The following WNK1 variants were observed in gnomAD, a reference collection of about 807,000 sequenced individuals.
WNK1 encodes the protein WNK lysine deficient protein kinase 1, also known as serine/threonine-protein kinase WNK1.
Under a neutral mutation model 222.8 loss-of-function variants are expected in WNK1, and 38 were observed. That is an observed-to-expected ratio of 0.17 (90% CI 0.13 to 0.22). The LOEUF (loss-of-function observed/expected upper bound fraction) is 0.22. Ranked by LOEUF, WNK1 falls within the 10% of genes least tolerant of loss-of-function variation. The pLI, the probability that WNK1 is intolerant of heterozygous loss-of-function variation, is 1.00. For missense variants in WNK1, 2,348 were observed against 2,918.4 expected, an observed-to-expected ratio of 0.80 and a Z score of 4.50; for synonymous variants, 1,090 against 1,092.9, an observed-to-expected ratio of 1.00 and a Z score of 0.05.
chr12:882,654 C>T (rs1438393077), intron 14 of WNK1, among the ~76,000 whole-genome samples: 2 of 152,126 alleles, frequency 1.3e-5, no homozygotes, highest in Non-Finnish European at 2.9e-5. Flanking sequence ...TGTATAGGAT[C>T]TTATAATTAG....
intron 4 of WNK1, among the ~76,000 whole-genome samples, 187 bp downstream of exon 4, chr12:830,347 C>A (rs72648633): frequency 2.0e-5 from 3 of 152,110 alleles, no homozygotes; most frequent in Non-Finnish European, 4.4e-5. Flanking sequence ...AGATAAAGAT[C>A]AAAGAACCAC....
intron 24 of WNK1, among the ~76,000 whole-genome samples, chr12:897,199 AT>A (rs1954826165): frequency 6.6e-6 from 1 of 152,132 alleles, no homozygotes; most frequent in South Asian, 2.1e-4. Flanking sequence ...AGAGTAGCAA[AT>A]TCAGCTATTG....
chr12:879,455 TTTG>T lies in WNK1; in HGVS notation c.2374-115_2374-113del, dbSNP rs1952927136. 1.1e-3 allele frequency: 758 copies of T among 706,202 alleles called. 13 individuals are homozygous for T. The highest frequency in any genetic ancestry group is 2.4e-3 in the Middle Eastern group (6 of 2,546). The allele number at this position is 706,202 out of a possible 1,614,324, so 43.7% of individuals were successfully genotyped here. On this transcript the variant is annotated intron_variant, in intron 10 of 27. Coordinates refer to ENST00000315939, the MANE Select transcript of WNK1 (RefSeq NM_018979.4). Reference sequence around the variant, plus strand: ...GTTTTGTTGGTTTGGTGTTTTTTTTTTTGTTTGTTTTTTCCTTCTTTTTGGCTA... The same window carrying T: ...GTTTTGTTGGTTTGGTGTTTTTTTTTTTTGTTTTTTCCTTCTTTTTGGCTA...
chr12:906,430 C>T, intron 26 of WNK1: 5 of 985,322 alleles, frequency 5.1e-6, no homozygotes, highest in Non-Finnish European at 6.0e-6. Context: ...CCCCTTTGCA[C>T]CCTGCCTCAG....
chr12:841,755 G>A (rs1004501880), intron 4 of WNK1, among the ~76,000 whole-genome samples: 2 of 152,156 alleles, frequency 1.3e-5, no homozygotes, highest in African/African-American at 2.4e-5. Flanking sequence ...GTTCCTCATA[G>A]ACCGGACTTT....
chr12:798,366 T>C (rs2153987774), intron 1 of WNK1, among the ~76,000 whole-genome samples: 1 of 152,166 alleles, frequency 6.6e-6, no homozygotes, highest in South Asian at 2.1e-4. Flanking sequence ...TAATTTTTTA[T>C]ATTTTTTAGT....
intron 1 of WNK1, among the ~76,000 whole-genome samples, chr12:812,098 TAAG>T (rs763375715): frequency 3.3e-5 from 5 of 152,176 alleles, no homozygotes; most frequent in Non-Finnish European, 7.4e-5. Context: ...TTGCTATAAA[TAAG>T]TAGTTGGCAG....
At chr12:874,708 C>T (rs1037176382) in intron 9 of WNK1, among the ~76,000 whole-genome samples, 4 of 152,056 alleles carry the variant, frequency 2.6e-5, no homozygotes, top group African/African-American at 9.7e-5. Context: ...CTCATTTAAT[C>T]GTTTTAAGAA....
rs533703766 is a variant in WNK1, at chr12:850,984, C to A, written c.1312-6177C>A. Among the ~76,000 whole-genome samples, 3 of 151,856 alleles carry A rather than the reference C, an allele frequency of 2.0e-5. No homozygotes were observed. The South Asian group carries it at 6.2e-4, about 32-fold the overall frequency. On this transcript the variant is annotated intron_variant, in intron 4 of 27. Transcript: ENST00000315939. ...TTTGGTTACTAGCCTTGTAGTAATA[C>A]TGTTGATTTTTAAAAAATGTTCTGT...
At chr12:803,880 G>A (rs1251902709) in intron 1 of WNK1, among the ~76,000 whole-genome samples, 1 of 152,122 alleles carries the variant, frequency 6.6e-6, no homozygotes, top group African/African-American at 2.4e-5. Flanking sequence ...CTTTTTAAAA[G>A]TAATATGCTA....
In WNK1 at chr12:885,826, C is replaced by G; in HGVS notation, c.5022C>G (p.Ala1674=). The change falls in exon 19 of 28, where the codon GCC becomes GCG. Residue 1674 remains alanine, a synonymous_variant. Coordinates refer to ENST00000315939, the MANE Select transcript of WNK1 (RefSeq NM_018979.4). ...ACAGCTCATCTGGAGCTCAGCATGCCTCTGTCTCACTGGAGACCTCACTAG... is the reference window on the plus strand; with the variant it reads ...ACAGCTCATCTGGAGCTCAGCATGCGTCTGTCTCACTGGAGACCTCACTAG... ...SEHSSSGAQH[A]SVSLETSLVI... 6.2e-7 allele frequency: 1 copy of G among 1,614,224 alleles called. No individual in the cohort carries two copies. The highest frequency in any genetic ancestry group is 8.5e-7 in the Non-Finnish European group (1 of 1,180,050).
intron 8 of WNK1, among the ~76,000 whole-genome samples, chr12:864,718 A>G (rs1281595833): frequency 1.3e-5 from 2 of 152,184 alleles, no homozygotes; most frequent in African/African-American, 4.8e-5. Flanking sequence ...AACTAATAGA[A>G]TTCATTCTTG....
chr12:782,494 CTA>C (rs1943816739), intron 1 of WNK1, among the ~76,000 whole-genome samples: 1 of 152,100 alleles, frequency 6.6e-6, no homozygotes, highest in Admixed American at 6.6e-5. Context: ...GTTCCTAAGT[CTA>C]TGAATTAATG....
Position 881,972 on chromosome 12 carries a change from G to A in WNK1, c.3271G>A (p.Gly1091Arg), listed in dbSNP as rs1565575135. 11 of 1,614,022 alleles carry A rather than the reference G, an allele frequency of 6.8e-6. No individual in the cohort carries two copies. In the Middle Eastern group the frequency reaches 4.9e-4, roughly 72 times the overall value. Residue 1091 changes from glycine to arginine, a missense_variant, in exon 14 of 28, where the codon GGA becomes AGA. Gly to Arg is a moderately radical substitution (Grantham distance 125). This residue lies in a region of WNK1 where 547 missense variants were observed against 558.3 expected (regional missense o/e 0.98). Coordinates refer to ENST00000315939, the MANE Select transcript of WNK1 (RefSeq NM_018979.4). Reference sequence around the variant, plus strand: ...CAATGAGAACGTCCCATCTTCCAGTGGAAGGCATGAAGGAAGAACTACAAA... The same window carrying A: ...CAATGAGAACGTCCCATCTTCCAGTAGAAGGCATGAAGGAAGAACTACAAA... Reference protein sequence around the residue: ...DGNENVPSSSGRHEGRTTKRH... With the variant: ...DGNENVPSSSRRHEGRTTKRH...
intron 5 of WNK1, among the ~76,000 whole-genome samples, chr12:857,592 T>G (rs138629738): frequency 2.0e-5 from 3 of 152,358 alleles, no homozygotes; most frequent in Admixed American, 6.5e-5. Flanking sequence ...TCCTTTACCA[T>G]TGAATTCTAA....
chr12:846,250 A>G lies in WNK1; in HGVS notation c.1312-10911A>G, dbSNP rs1432776722. Among the ~76,000 whole-genome samples, 7 of 152,200 alleles carry G rather than the reference A, an allele frequency of 4.6e-5. No individual in the cohort carries two copies. In the East Asian group the frequency reaches 1.2e-3, roughly 25 times the overall value. On this transcript the variant is annotated intron_variant, in intron 4 of 27. Transcript: ENST00000315939. ...TAACAGAGAAAAACTTATTAATTGTATGCTATACTTGTAGTCTTGACCCAG... is the reference window on the plus strand; with the variant it reads ...TAACAGAGAAAAACTTATTAATTGTGTGCTATACTTGTAGTCTTGACCCAG...
At chr12:834,635 T>C (rs922346888) in intron 4 of WNK1, among the ~76,000 whole-genome samples, 1 of 152,214 alleles carries the variant, frequency 6.6e-6, no homozygotes, top group Non-Finnish European at 1.5e-5. Flanking sequence ...CTTGAGCAAT[T>C]CACTTAATTT....
chr12:769,595 C>T (rs1942223651), intron 1 of WNK1, among the ~76,000 whole-genome samples: 1 of 152,080 alleles, frequency 6.6e-6, no homozygotes, highest in Non-Finnish European at 1.5e-5. Flanking sequence ...TTATTATTTC[C>T]CCACCCCAGT....
chr12:862,367 T>A, intron 8 of WNK1, 97 bp downstream of exon 8: 1 of 1,288,146 alleles, frequency 7.8e-7, no homozygotes, highest in East Asian at 2.4e-5. Context: ...ACAGTATGAG[T>A]CTGAAGTAGA....
Sources: allele counts gnomAD v4.1 joint callset (sites outside exome capture counted in the v4.1 genomes callset), GRCh38; gene constraint gnomAD v4.1.1; regional missense constraint gnomAD v4.1.1; transcripts MANE v1.5; gene names NCBI Gene and HGNC (gene_info 2026-07-23, HGNC 2026-07-21).